The following ZNF311 variants were observed in gnomAD, a reference collection of about 807,000 sequenced individuals.
ZNF311 encodes zinc finger protein 311.
A neutral mutation model predicts 22.7 loss-of-function variants in ZNF311; 14 were observed. The observed-to-expected ratio is 0.62, with a 90% CI of 0.41 to 0.96. The LOEUF is 0.96. Ranked by LOEUF, ZNF311 falls within the 40% of genes least tolerant of loss-of-function variation. The pLI is 0.00. For synonymous variants in ZNF311, 250 were observed against 275.3 expected, an observed-to-expected ratio of 0.91 and a Z score of 0.91; for missense variants, 731 against 799.0, an observed-to-expected ratio of 0.91 and a Z score of 1.03.
Position 29,003,997 on chromosome 6 carries a change from G to A in ZNF311, c.-43C>T, listed in dbSNP as rs1428895401. On this transcript the variant is annotated 5_prime_UTR_variant, in exon 2 of 7. Transcript: ENST00000377179. ...TTTAACAGTCTTCCACTGCTGTCCT[G>A]GTTTCTTCCTACTGGTCAGATCCAG... is the stretch of plus-strand genomic sequence containing the variant. 8.7e-6 allele frequency: 14 copies of A among 1,612,820 alleles called. No individual in the cohort carries two copies. The South Asian group carries it at 1.5e-4, about 18-fold the overall frequency.
At position 29,003,512 on chromosome 6, in the gene ZNF311, C is replaced by A. The variant is rs1780741431; in HGVS notation, c.91+1G>T. 12 of 1,612,946 alleles carry A rather than the reference C, an allele frequency of 7.4e-6. No individual in the cohort carries two copies. The highest frequency in any genetic ancestry group is 1.0e-5 in the Non-Finnish European group (12 of 1,180,012). ...CTGCCACAATCTCCTGTGTATCTCA[C>A]CGCTTTCCTGAGGGAGCTGGGTATC... On this transcript the variant is annotated splice_donor_variant, in intron 3 of 6. Transcript: ENST00000377179. LOFTEE classifies it high-confidence loss of function.
chr6:29,003,914 T>C (rs762959493), intron 2 of ZNF311, 32 bp downstream of exon 2: 9 of 1,612,910 alleles, frequency 5.6e-6, no homozygotes, highest in Admixed American at 1.7e-5. Flanking sequence ...TTCTTCCTCC[T>C]TGTGATGTAT....
rs1242873227 is a variant in ZNF311 at position 28,996,044 on chromosome 6, G to A, written c.958C>T (p.Arg320Ter). ...TCCCCACTGTGGGTTTTTTTATGTCGGCAAAGAGCTGATCTACTGTTGAAA... is the reference window on the plus strand; with the variant it reads ...TCCCCACTGTGGGTTTTTTTATGTCAGCAAAGAGCTGATCTACTGTTGAAA... ...KAFNSRSALCRHKKTHSGEKP... is the reference protein window; with the variant it reads ...KAFNSRSALC Residue 320 changes from arginine (R) to a stop codon, truncating the protein, a stop_gained, in exon 7 of 7, where the codon CGA becomes TGA. Transcript: ENST00000377179. LOFTEE classifies it low-confidence loss of function (END_TRUNC). 8.1e-6 allele frequency: 13 copies of A among 1,612,860 alleles called. No homozygotes were observed. Among genetic ancestry groups the A allele is most frequent in the East Asian group, 2.2e-5 (1 of 44,860 alleles).
rs1261207317 is a variant in ZNF311 at position 29,005,181 on chromosome 6, C to G, written c.-434G>C. The G allele has an allele frequency of 6.6e-6, 1 of 152,132 alleles. No homozygotes were observed. Among genetic ancestry groups the G allele is most frequent in the Non-Finnish European group, 1.5e-5 (1 of 68,052 alleles). 9.4% of individuals were successfully genotyped at this position (152,132 alleles called of 1,614,324 possible). A position where few individuals can be genotyped will look rare whatever the true frequency, so the allele number is the denominator to read the frequency against. On this transcript the variant is annotated 5_prime_UTR_variant, in exon 1 of 7. Transcript: ENST00000377179. Reference sequence around the variant, plus strand: ...TTGTCGTCTTGTTCACAGTTGTATTCTCAACGCCTAAAACAGCGCTTGCAA... The same window carrying G: ...TTGTCGTCTTGTTCACAGTTGTATTGTCAACGCCTAAAACAGCGCTTGCAA...
intron 5 of ZNF311, 118 bp from the exon 6 acceptor site, chr6:28,998,956 A>T (rs1426495866): frequency 1.2e-5 from 8 of 651,210 alleles, no homozygotes; most frequent in Middle Eastern, 4.0e-4. Context: ...ATGTTAATTT[A>T]GATAGAGAAA....
At position 29,003,497 on chromosome 6, in the gene ZNF311, C is replaced by G; in HGVS notation, c.91+16G>C. 2.5e-6 allele frequency: 4 copies of G among 1,612,794 alleles called. No individual in the cohort carries two copies. The highest frequency in any genetic ancestry group is 3.4e-6 in the Non-Finnish European group (4 of 1,179,750). The stretch of plus-strand genomic sequence containing the variant: ...CAGCTGCCGTGACTCCTGCCACAAT[C>G]TCCTGTGTATCTCACCGCTTTCCTG... On this transcript the variant is annotated intron_variant, in intron 3 of 6. Transcript: ENST00000377179.
intron 3 of ZNF311, among the ~76,000 whole-genome samples, chr6:29,001,204 C>T (rs992546715): frequency 2.6e-5 from 4 of 152,152 alleles, no homozygotes; most frequent in Admixed American, 1.3e-4. Context: ...ATCGCCAAGT[C>T]CAAATCTGAA....
chr6:28,994,804 T>A lies in ZNF311; in HGVS notation c.*197A>T, dbSNP rs969480232. 3 of 611,270 alleles carry A rather than the reference T, an allele frequency of 4.9e-6. No homozygotes were observed. In the African/African-American group the frequency reaches 5.5e-5, roughly 11 times the overall value. 37.9% of individuals were successfully genotyped at this position (611,270 alleles called of 1,614,324 possible). ...CACAGCAAGCACTAATAAGTGTTTA[T>A]TAATATTAGGAAGTGATTGATAAAC... is the stretch of plus-strand genomic sequence containing the variant. On this transcript the variant is annotated 3_prime_UTR_variant, in exon 7 of 7. Coordinates refer to ENST00000377179, the MANE Select transcript of ZNF311 (RefSeq NM_001382360.1).
chr6:28,999,785 A>G, intron 4 of ZNF311, 171 bp downstream of exon 4: 1 of 1,251,322 alleles, frequency 8.0e-7, no homozygotes, highest in Non-Finnish European at 1.1e-6. Flanking sequence ...ATAGCAAAAA[A>G]TAATGAAAGA....
In ZNF311 at chr6:28,994,956, C is replaced by T. The variant is rs1163975906; in HGVS notation, c.*45G>A. Reference sequence around the variant, plus strand: ...CTAATATAAGAGACAGAAGGACCAGCCTAAGAGGTAGGAAAAACAGAAAGT... The same window carrying T: ...CTAATATAAGAGACAGAAGGACCAGTCTAAGAGGTAGGAAAAACAGAAAGT... On this transcript the variant is annotated 3_prime_UTR_variant, in exon 7 of 7. Transcript: ENST00000377179. 6.5e-7 allele frequency: 1 copy of T among 1,528,512 alleles called. No individual in the cohort carries two copies. The highest frequency in any genetic ancestry group is 2.3e-5 in the East Asian group (1 of 44,278). 94.7% of individuals were successfully genotyped at this position (1,528,512 alleles called of 1,614,324 possible).
Position 29,004,178 on chromosome 6 carries a change from G to GC in ZNF311, c.-225dup. The GC allele has an allele frequency of 6.9e-7, 1 of 1,442,994 alleles. No homozygotes were observed. Among genetic ancestry groups the GC allele is most frequent in the Non-Finnish European group, 9.1e-7 (1 of 1,103,612 alleles). The allele number at this position is 1,442,994 out of a possible 1,614,324, so 89.4% of individuals were successfully genotyped here. ...ACTGCCCTGGATTTGGGGTTCATTA[G>GC]CAACACTAAACCGCTGTGATCTCAC... On this transcript the variant is annotated 5_prime_UTR_variant, in exon 2 of 7. Coordinates refer to ENST00000377179, the MANE Select transcript of ZNF311 (RefSeq NM_001382360.1).
In ZNF311 at chr6:28,996,287, T is replaced by TA. The variant is rs1258128395; in HGVS notation, c.714dup (p.Lys239Ter). 2.5e-6 allele frequency: 4 copies of TA among 1,612,946 alleles called. No homozygotes were observed. Among genetic ancestry groups the TA allele is most frequent in the Non-Finnish European group, 8.5e-7 (1 of 1,180,042 alleles). On this transcript the variant is annotated frameshift_variant, in exon 7 of 7. Coordinates refer to ENST00000377179, the MANE Select transcript of ZNF311 (RefSeq NM_001382360.1). LOFTEE classifies it low-confidence loss of function (END_TRUNC). ...TGGAGTTTCTGTGCTATAAGAACTT[T>TA]ATTACATTGACTATGTTTTGAGTTT...
chr6:29,002,620 A>AT (rs35452431), intron 3 of ZNF311, among the ~76,000 whole-genome samples: 29,649 of 132,814 alleles, frequency 0.22, 3,884 homozygotes, highest in East Asian at 0.41. Flanking sequence ...TCCAACAGCA[A>AT]TTTTTTTTTT....
Position 28,995,759 on chromosome 6 carries a change from A to C in ZNF311, c.1243T>G (p.Tyr415Asp). Residue 415 changes from tyrosine to aspartate, a missense_variant, in exon 7 of 7, where the codon TAT becomes GAT. Tyr to Asp is a radical substitution (Grantham distance 160, BLOSUM62 -3). Transcript: ENST00000377179. This position sits in a 1 kb window ranked among gnomAD's most constrained non-coding sequence, Gnocchi z 4.7. ...HIRIHTGERPYECSKCGRAFS... is the reference protein window; with the variant it reads ...HIRIHTGERPDECSKCGRAFS... The stretch of plus-strand genomic sequence containing the variant: ...GCCCTTCCACACTTGCTGCACTCAT[A>C]AGGTCGTTCCCCAGTGTGGATTCTT... The C allele has an allele frequency of 1.2e-6, 2 of 1,613,790 alleles. No individual in the cohort carries two copies. Among genetic ancestry groups the C allele is most frequent in the Admixed American group, 1.7e-5 (1 of 60,010 alleles).
chr6:29,003,619 C>T, intron 2 of ZNF311, 25 bp from the exon 3 acceptor site: 1 of 1,612,462 alleles, frequency 6.2e-7, no homozygotes, highest in Non-Finnish European at 8.5e-7. Flanking sequence ...AGAATGAATT[C>T]AGGAAAGTTA....
Position 29,001,621 on chromosome 6 carries a change from T to C in ZNF311, c.92-1574A>G, listed in dbSNP as rs115865614. Reference sequence around the variant, plus strand: ...CATTAACACACTTAAAGCTCTCAATTGGATGTTTTCAACCATTATTTTATT... The same window carrying C: ...CATTAACACACTTAAAGCTCTCAATCGGATGTTTTCAACCATTATTTTATT... On this transcript the variant is annotated intron_variant, in intron 3 of 6. Coordinates refer to ENST00000377179, the MANE Select transcript of ZNF311 (RefSeq NM_001382360.1). Among the ~76,000 whole-genome samples, 919 of 152,348 alleles carry C rather than the reference T, an allele frequency of 6.0e-3. 7 individuals carry two copies. The highest frequency in any genetic ancestry group is 0.01 in the Non-Finnish European group (695 of 68,028).
At position 29,005,305 on chromosome 6, in the gene ZNF311, G is replaced by A. The variant is rs1213687543; in HGVS notation, c.-558C>T. The A allele has an allele frequency of 1.5e-5, 2 of 136,248 alleles. No homozygotes were observed. The highest frequency in any genetic ancestry group is 5.7e-5 in the African/African-American group (2 of 35,038). The allele number at this position is 136,248 out of a possible 1,614,324, so 8.4% of individuals were successfully genotyped here. A position where few individuals can be genotyped will look rare whatever the true frequency, so the allele number is the denominator to read the frequency against. ...ATGGGTCAGGAGGCGACAAGAGCAA[G>A]ACTCCGGTCTCAAAAAAAAAAAAAA... is the stretch of plus-strand genomic sequence containing the variant. On this transcript the variant is annotated 5_prime_UTR_variant, in exon 1 of 7. Transcript: ENST00000377179.
At chr6:29,003,866 C>G (rs1366979440) in intron 2 of ZNF311, 80 bp downstream of exon 2, 6 of 1,612,440 alleles carry the variant, frequency 3.7e-6, no homozygotes, top group Non-Finnish European at 4.2e-6. Flanking sequence ...CACACCTCCA[C>G]TCACACTGCT....
intron 3 of ZNF311, among the ~76,000 whole-genome samples, chr6:29,000,474 C>T (rs112603919): frequency 1.3e-5 from 2 of 151,854 alleles, no homozygotes; most frequent in Admixed American, 6.6e-5. Context: ...TGCATGCACG[C>T]GTATGTGTGT....
Sources: allele counts gnomAD v4.1 joint callset (sites outside exome capture counted in the v4.1 genomes callset), GRCh38; gene constraint gnomAD v4.1.1; non-coding constraint Gnocchi (gnomAD v3.1); transcripts MANE v1.5; gene names NCBI Gene and HGNC (gene_info 2026-07-23, HGNC 2026-07-21).